AKT2: variants seen among roughly 807,000 people sequenced by gnomAD.
AKT2 encodes the protein AKT serine/threonine kinase 2.
In AKT2, 16 loss-of-function variants were observed where a neutral mutation model predicts 58.6. That is an observed-to-expected ratio of 0.27 (90% CI 0.18 to 0.41). The LOEUF (loss-of-function observed/expected upper bound fraction) is 0.41, where lower values mean the gene tolerates loss of function less well. Ranked by LOEUF, AKT2 falls within the 10% of genes least tolerant of loss-of-function variation. The pLI is 1.00. For missense variants in AKT2, 438 were observed against 661.0 expected (o/e 0.66, Z 3.70); for synonymous variants, 253 against 254.0 (o/e 1.00, Z 0.04).
At chr19:40,241,801 T>A in intron 6 of AKT2, 137 bp downstream of exon 6, 1 of 1,366,146 alleles carries the variant, frequency 7.3e-7, no homozygotes, top group Non-Finnish European at 1.0e-6. Flanking sequence ...AGGCTCCCCC[T>A]TTTCTGACTA....
rs1376492810 is a variant in AKT2 at position 40,233,729 on chromosome 19, G to T, written c.*143C>A. 1.2e-6 allele frequency: 1 copy of T among 855,676 alleles called. No homozygotes were observed. Among genetic ancestry groups the T allele is most frequent in the Non-Finnish European group, 2.0e-6 (1 of 510,612 alleles). The allele number at this position is 855,676 out of a possible 1,614,324, so 53.0% of individuals were successfully genotyped here. On this transcript the variant is annotated 3_prime_UTR_variant, in exon 14 of 14. Coordinates refer to ENST00000392038, the MANE Select transcript of AKT2 (RefSeq NM_001626.6). This position sits in a 1 kb window ranked among gnomAD's most constrained non-coding sequence, Gnocchi z 4.3. ...TGCAGGGGCCGCTGGGGTGCGTCTG[G>T]GAGGGGCCTGAAGAAGAACTGGAAA... is the stretch of plus-strand genomic sequence containing the variant.
In AKT2 at chr19:40,242,593, TG is replaced by T. The variant is rs1568530095; in HGVS notation, c.381del (p.Ser128ValfsTer20). 1 of 1,613,848 alleles carries T rather than the reference TG, an allele frequency of 6.2e-7. No homozygotes were observed. The stretch of plus-strand genomic sequence containing the variant: ...ATCTCCTCAGTCGTGGAGGAGTCAC[TG>T]GGGGAGCCACACTTGTAGTCCATGG... ...EDPMDYKCGS[P>X]SDSSTTEEME... On this transcript the variant is annotated frameshift_variant, in exon 5 of 14. Transcript: ENST00000392038. LOFTEE classifies it high-confidence loss of function. The surrounding 1 kb of genome is among the most constrained non-coding windows in gnomAD (Gnocchi z 4.3).
intron 2 of AKT2, among the ~76,000 whole-genome samples, chr19:40,264,833 A>T (rs1347442929): frequency 1.3e-5 from 2 of 152,096 alleles, no homozygotes; most frequent in African/African-American, 4.8e-5. Flanking sequence ...CTGGAATGTA[A>T]GCTCCATCAG....
At chr19:40,281,027 C>T (rs1328760386) in intron 1 of AKT2, among the ~76,000 whole-genome samples, 1 of 152,220 alleles carries the variant, frequency 6.6e-6, no homozygotes, top group African/African-American at 2.4e-5. Flanking sequence ...TAAATGGTGG[C>T]GGATGAGTGA....
At chr19:40,254,025 C>T (rs1478012550) in intron 4 of AKT2, among the ~76,000 whole-genome samples, 1 of 150,804 alleles carries the variant, frequency 6.6e-6, no homozygotes, top group East Asian at 1.9e-4. Context: ...AGGTCTCCCT[C>T]TGCTCTTTGA....
rs1316766351 is a variant in AKT2, at chr19:40,232,591, A to G, written c.*1281T>C. 1.7e-5 allele frequency: 4 copies of G among 232,272 alleles called. No individual in the cohort carries two copies. In the East Asian group the frequency reaches 2.4e-4, roughly 14 times the overall value. The allele number at this position is 232,272 out of a possible 1,614,324, so 14.4% of individuals were successfully genotyped here. A position where few individuals can be genotyped will look rare whatever the true frequency, so the allele number is the denominator to read the frequency against. On this transcript the variant is annotated 3_prime_UTR_variant, in exon 14 of 14. Coordinates refer to ENST00000392038, the MANE Select transcript of AKT2 (RefSeq NM_001626.6). The stretch of plus-strand genomic sequence containing the variant: ...CAGGGAGGGGAGGCGTGGGCAGGGC[A>G]GCTCATGGATCACAGTGGGGCTCCT...
chr19:40,239,014 A>G lies in AKT2; in HGVS notation c.640-41T>C, dbSNP rs750940414. On this transcript the variant is annotated intron_variant, in intron 7 of 13. Coordinates refer to ENST00000392038, the MANE Select transcript of AKT2 (RefSeq NM_001626.6). ...AGCAGGGTGGGAGGTGGGAGGGAGGAGGGCTCTGCTGAGCCATGCCAGGGC... is the reference window on the plus strand; with the variant it reads ...AGCAGGGTGGGAGGTGGGAGGGAGGGGGGCTCTGCTGAGCCATGCCAGGGC... 3.8e-6 allele frequency: 6 copies of G among 1,597,658 alleles called. No homozygotes were observed. The African/African-American group carries it at 4.0e-5, about 11-fold the overall frequency.
chr19:40,260,009 C>T (rs989894686), intron 2 of AKT2, among the ~76,000 whole-genome samples: 3 of 152,118 alleles, frequency 2.0e-5, no homozygotes, highest in Admixed American at 6.5e-5. Context: ...AAAAATTAGC[C>T]GGGCGTGGTG....
At position 40,233,755 on chromosome 19, in the gene AKT2, G is replaced by A. The variant is rs1302751891; in HGVS notation, c.*117C>T. On this transcript the variant is annotated 3_prime_UTR_variant, in exon 14 of 14. Coordinates refer to ENST00000392038, the MANE Select transcript of AKT2 (RefSeq NM_001626.6). The surrounding 1 kb of genome is among the most constrained non-coding windows in gnomAD (Gnocchi z 4.3). Reference sequence around the variant, plus strand: ...GAGGGGCCTGAAGAAGAACTGGAAAGGGGGTGAGGAGGTGGGGGTGGGGAC... The same window carrying A: ...GAGGGGCCTGAAGAAGAACTGGAAAAGGGGTGAGGAGGTGGGGGTGGGGAC... 95 of 999,390 alleles carry A rather than the reference G, an allele frequency of 9.5e-5. No individual in the cohort carries two copies. Among genetic ancestry groups the A allele is most frequent in the Non-Finnish European group, 1.4e-4 (87 of 642,822 alleles). 61.9% of individuals were successfully genotyped at this position (999,390 alleles called of 1,614,324 possible).
At chr19:40,240,367 A>G (rs1974317283) in intron 6 of AKT2, 1 of 682,868 alleles carries the variant, frequency 1.5e-6, no homozygotes, top group African/African-American at 1.8e-5. Context: ...GCTAGGGACA[A>G]GACACCTGTG....
intron 4 of AKT2, chr19:40,244,158 T>C (rs1231100019): frequency 6.6e-6 from 1 of 151,492 alleles, no homozygotes; most frequent in Non-Finnish European, 1.5e-5. Flanking sequence ...AGAACTGTCT[T>C]TGAGCTGGGC....
chr19:40,280,779 C>T (rs1407195101), intron 1 of AKT2: 2 of 152,560 alleles, frequency 1.3e-5, no homozygotes, highest in Non-Finnish European at 2.9e-5. Context: ...ATGACTGCCT[C>T]ACCTTGCCAA....
At chr19:40,250,291 T>C (rs935499302) in intron 4 of AKT2, among the ~76,000 whole-genome samples, 2 of 149,900 alleles carry the variant, frequency 1.3e-5, no homozygotes, top group African/African-American at 4.9e-5. Context: ...TCACCTGAGG[T>C]CAGGAGTTCG....
chr19:40,231,034 TA>T lies in AKT2; in HGVS notation c.*2837del, dbSNP rs1463244319. 1 of 210,984 alleles carries T rather than the reference TA, an allele frequency of 4.7e-6. No homozygotes were observed. Among genetic ancestry groups the T allele is most frequent in the South Asian group, 1.9e-4 (1 of 5,344 alleles). 13.1% of individuals were successfully genotyped at this position (210,984 alleles called of 1,614,324 possible). ...CACTGTGCCCAGTCACTGTTCTTTA[TA>T]TACAAAAAAGAATGTGTGAAATTTT... On this transcript the variant is annotated 3_prime_UTR_variant, in exon 14 of 14. Coordinates refer to ENST00000392038, the MANE Select transcript of AKT2 (RefSeq NM_001626.6).
At chr19:40,244,309 G>A (rs1043752456) in intron 4 of AKT2, 2 of 151,390 alleles carry the variant, frequency 1.3e-5, no homozygotes, top group East Asian at 3.9e-4. Context: ...CCAGGTGTGG[G>A]GGCACATGCC....
At chr19:40,253,201 T>C (rs1002873149) in intron 4 of AKT2, among the ~76,000 whole-genome samples, 5 of 152,168 alleles carry the variant, frequency 3.3e-5, no homozygotes, top group Non-Finnish European at 7.3e-5. Context: ...TTGGCACAGG[T>C]GCCTACTGGA....
chr19:40,257,109 C>T (rs1975593756), intron 2 of AKT2, 55 bp from the exon 3 acceptor site: 4 of 1,605,694 alleles, frequency 2.5e-6, no homozygotes, highest in African/African-American at 2.7e-5. Context: ...GAGTGATGTC[C>T]CAGGTAGGCG....
At chr19:40,236,964 G>A in intron 9 of AKT2, 1 of 178,802 alleles carries the variant, frequency 5.6e-6, no homozygotes. Flanking sequence ...AAGGCCCTGT[G>A]TGCCCCTCCC....
chr19:40,273,482 T>C (rs1372822975), intron 1 of AKT2: 1 of 151,734 alleles, frequency 6.6e-6, no homozygotes, highest in African/African-American at 2.4e-5. Context: ...AAACTTTTTT[T>C]TTTTTTTCCT....
Sources: allele counts gnomAD v4.1 joint callset (sites outside exome capture counted in the v4.1 genomes callset), GRCh38; gene constraint gnomAD v4.1.1; non-coding constraint Gnocchi (gnomAD v3.1); transcripts MANE v1.5; gene names NCBI Gene and HGNC (gene_info 2026-07-23, HGNC 2026-07-21).